The following NPAS3 variants were observed in gnomAD, a reference collection of about 807,000 sequenced individuals.
NPAS3 encodes neuronal PAS domain-containing protein 3.
Under a neutral mutation model 73.1 loss-of-function variants are expected in NPAS3, and 14 were observed. The ratio of observed to expected loss-of-function variants is 0.19; its 90% CI spans 0.13 to 0.30. The LOEUF is 0.30. Ranked by LOEUF, NPAS3 falls within the 10% of genes least tolerant of loss-of-function variation. NPAS3 has a pLI of 1.00. For synonymous variants in NPAS3, 620 were observed against 541.5 expected, an observed-to-expected ratio of 1.14 and a Z score of -2.01; for missense variants, 1,096 against 1,250.0, an observed-to-expected ratio of 0.88 and a Z score of 1.86.
intron 3 of NPAS3, among the ~76,000 whole-genome samples, chr14:33,340,235 C>G (rs1185310862): frequency 3.3e-5 from 5 of 152,202 alleles, no homozygotes. Flanking sequence ...TGGCTCATGC[C>G]TGTAATCCCA....
intron 2 of NPAS3, among the ~76,000 whole-genome samples, chr14:33,208,746 C>G (rs550788433): frequency 2.0e-5 from 3 of 152,090 alleles, no homozygotes; most frequent in African/African-American, 7.2e-5. Context: ...CTTTGTCAGC[C>G]AAGCTTAATA....
At chr14:33,362,007 A>G (rs1458873402) in intron 3 of NPAS3, among the ~76,000 whole-genome samples, 1 of 152,162 alleles carries the variant, frequency 6.6e-6, no homozygotes, top group African/African-American at 2.4e-5. Flanking sequence ...GTTTTCATAT[A>G]TATATTTCAT....
At chr14:33,320,269 A>G (rs2043383472) in intron 3 of NPAS3, among the ~76,000 whole-genome samples, 2 of 152,100 alleles carry the variant, frequency 1.3e-5, no homozygotes, top group South Asian at 4.1e-4. Context: ...GCTTGGAATG[A>G]CAGCCTTGAG....
intron 4 of NPAS3, among the ~76,000 whole-genome samples, chr14:33,462,648 A>G (rs915391271): frequency 2.0e-5 from 3 of 152,186 alleles, no homozygotes; most frequent in African/African-American, 7.2e-5. Context: ...TTGTTACTCC[A>G]GCATAACACA....
chr14:33,041,236 A>G (rs2040338533), intron 1 of NPAS3, among the ~76,000 whole-genome samples: 1 of 152,176 alleles, frequency 6.6e-6, no homozygotes. Flanking sequence ...TAATGAAAAT[A>G]AGGTGCTATC....
At chr14:33,473,512 T>G (rs2050881992) in intron 4 of NPAS3, among the ~76,000 whole-genome samples, 1 of 152,218 alleles carries the variant, frequency 6.6e-6, no homozygotes, top group Admixed American at 6.6e-5. Flanking sequence ...GAATATTTAT[T>G]GAGTACTTAC....
intron 2 of NPAS3, among the ~76,000 whole-genome samples, chr14:33,170,313 TTA>T (rs1286090728): frequency 2.6e-5 from 4 of 152,196 alleles, no homozygotes; most frequent in Non-Finnish European, 4.4e-5. Flanking sequence ...TAAAAATACT[TTA>T]TTTCTAAAAA....
chr14:33,441,357 T>C (rs1470812229), intron 4 of NPAS3, among the ~76,000 whole-genome samples: 1 of 151,724 alleles, frequency 6.6e-6, no homozygotes, highest in Non-Finnish European at 1.5e-5. Flanking sequence ...TCCATGTATA[T>C]TCTAATTTCA....
chr14:33,062,408 T>C (rs1334910700), intron 2 of NPAS3, among the ~76,000 whole-genome samples: 1 of 152,168 alleles, frequency 6.6e-6, no homozygotes, highest in Non-Finnish European at 1.5e-5. Context: ...CGGTTCAGGA[T>C]CTGTCTGCAA....
At chr14:33,321,699 G>A (rs2043455191) in intron 3 of NPAS3, among the ~76,000 whole-genome samples, 1 of 151,920 alleles carries the variant, frequency 6.6e-6, no homozygotes, top group South Asian at 2.1e-4. Flanking sequence ...GTGTGTGGTG[G>A]TGGGTTAATG....
intron 4 of NPAS3, among the ~76,000 whole-genome samples, chr14:33,454,764 G>C (rs574770582): frequency 6.6e-6 from 1 of 152,278 alleles, no homozygotes; most frequent in Non-Finnish European, 1.5e-5. Context: ...TACTGATTCT[G>C]CCTTAGGACC....
At chr14:33,688,963 A>C (rs1017939998) in intron 6 of NPAS3, among the ~76,000 whole-genome samples, 6 of 152,224 alleles carry the variant, frequency 3.9e-5, no homozygotes, top group African/African-American at 1.4e-4. Context: ...TATATTATAG[A>C]CTTTTAAAAT....
At chr14:33,405,117 T>C (rs981558541) in intron 4 of NPAS3, among the ~76,000 whole-genome samples, 19 of 152,240 alleles carry the variant, frequency 1.2e-4, no homozygotes, top group Middle Eastern at 3.4e-3. Context: ...GTTGGCTGCC[T>C]GCTTTACTCT....
intron 2 of NPAS3, among the ~76,000 whole-genome samples, chr14:33,169,089 A>G (rs1201176381): frequency 1.3e-5 from 2 of 152,226 alleles, no homozygotes; most frequent in African/African-American, 4.8e-5. Context: ...AAGAATCCAT[A>G]ATGGAAATAT....
chr14:33,378,504 C>T (rs539323757), intron 4 of NPAS3, among the ~76,000 whole-genome samples: 21 of 152,126 alleles, frequency 1.4e-4, no homozygotes, highest in Admixed American at 5.9e-4. Flanking sequence ...GGTATGGTGG[C>T]ACGTGCTTGT....
At chr14:33,303,984 T>C (rs2039621772) in intron 3 of NPAS3, among the ~76,000 whole-genome samples, 3 of 152,176 alleles carry the variant, frequency 2.0e-5, no homozygotes, top group African/African-American at 4.8e-5. Context: ...CTCGGCTCAC[T>C]GCAAGCTCCA....
At chr14:33,243,912 T>A (rs776451316) in intron 3 of NPAS3, among the ~76,000 whole-genome samples, 13 of 152,172 alleles carry the variant, frequency 8.5e-5, no homozygotes, top group Non-Finnish European at 1.5e-4. Context: ...TAATGTTCTC[T>A]AAAGGGAAAA....
chr14:33,645,060 A>C (rs2058788050), intron 5 of NPAS3, among the ~76,000 whole-genome samples: 1 of 150,766 alleles, frequency 6.6e-6, no homozygotes. Context: ...CAGCCTGGGC[A>C]ACAAGAGTGA....
chr14:32,935,015 C>G (rs1325850110), upstream of NPAS3: 1 of 1,305,294 alleles, frequency 7.7e-7, no homozygotes. Context: ...TGAGTAGTCC[C>G]GCCTGGGCTG....
Sources: gnomAD v4.1 joint callset for allele counts (sites outside exome capture counted in the v4.1 genomes callset) on GRCh38, gnomAD v4.1.1 for gene constraint, MANE v1.5 for transcripts, NCBI Gene and HGNC (gene_info 2026-07-23, HGNC 2026-07-21) for gene names.